Variants in RAD51B observed in about 807,000 individuals in gnomAD.
RAD51B encodes the protein RAD51 paralog B, also known as DNA repair protein RAD51 homolog 2.
In RAD51B, 38 loss-of-function variants were observed where a neutral mutation model predicts 42.2. The ratio of observed to expected loss-of-function variants is 0.90; its 90% CI spans 0.70 to 1.18. The LOEUF is 1.18. RAD51B is among the 50% of genes most tolerant of loss of function. RAD51B has a pLI of 0.00. For synonymous variants in RAD51B, 154 were observed against 145.2 expected (o/e 1.06, Z -0.43); for missense variants, 373 against 400.7 (o/e 0.93, Z 0.59).
At chr14:67,962,434 C>T (rs2074689189) in intron 7 of RAD51B, among the ~76,000 whole-genome samples, 1 of 152,112 alleles carries the variant, frequency 6.6e-6, no homozygotes. Flanking sequence ...TTTCTTCAGT[C>T]ATGTAAGCAA....
chr14:68,291,895 G>C lies in RAD51B; in HGVS notation c.768G>C (p.Thr256=). The C allele has an allele frequency of 1.2e-6, 2 of 1,612,886 alleles. No homozygotes were observed. The highest frequency in any genetic ancestry group is 1.7e-6 in the Non-Finnish European group (2 of 1,179,076). ...AEEFSIPVIL[T]NQITTHLSGA... is the part of the protein sequence containing the mutation. Reference sequence around the variant, plus strand: ...CTGTCTGTTCACAGGTTATCTTGACGAATCAGATTACAACCCATCTGAGTG... The same window carrying C: ...CTGTCTGTTCACAGGTTATCTTGACCAATCAGATTACAACCCATCTGAGTG... Residue 256 remains threonine (T), a synonymous_variant, in exon 8 of 11, where the codon ACG becomes ACC. Coordinates refer to ENST00000471583, the MANE Select transcript of RAD51B (RefSeq NM_133510.4).
chr14:67,848,914 A>T (rs1464721541), intron 4 of RAD51B, among the ~76,000 whole-genome samples: 2 of 152,012 alleles, frequency 1.3e-5, no homozygotes, highest in Non-Finnish European at 2.9e-5. Context: ...ATAGGTCCCC[A>T]CTCTCTTCTG....
chr14:67,829,888 T>C (rs1339312074), intron 3 of RAD51B, among the ~76,000 whole-genome samples: 2 of 152,136 alleles, frequency 1.3e-5, no homozygotes. Context: ...ATAAGGTACT[T>C]TGAAACTTTA....
intron 7 of RAD51B, among the ~76,000 whole-genome samples, chr14:68,026,286 G>A (rs2075955406): frequency 6.6e-6 from 1 of 152,134 alleles, no homozygotes; most frequent in South Asian, 2.1e-4. Context: ...ATCTTAGAAT[G>A]TATTCCATGT....
At chr14:68,560,487 G>A (rs1428308666) in intron 10 of RAD51B, among the ~76,000 whole-genome samples, 1 of 152,164 alleles carries the variant, frequency 6.6e-6, no homozygotes, top group Non-Finnish European at 1.5e-5. Context: ...TGTAATCCCA[G>A]CACTTTGGGA....
rs531056801 is a variant in RAD51B, at chr14:68,449,201, A to G, written c.958-18971A>G. On this transcript the variant is annotated intron_variant, in intron 9 of 10. Transcript: ENST00000471583. ...TATCAGGAAAATCTAAAGTATTTTC[A>G]TTTCTAATTATTTTTAAAAAACAAC... Among the ~76,000 whole-genome samples the G allele has an allele frequency of 2.0e-5, 3 of 152,344 alleles. No homozygotes were observed. The South Asian group carries it at 6.2e-4, about 32-fold the overall frequency.
chr14:68,410,592 G>A (rs1046272844), intron 8 of RAD51B, among the ~76,000 whole-genome samples: 6 of 152,142 alleles, frequency 3.9e-5, no homozygotes, highest in South Asian at 2.1e-4. Context: ...AGGAGGCCTC[G>A]GGCACAGGGC....
chr14:68,338,620 A>G, intron 8 of RAD51B: 1 of 296,494 alleles, frequency 3.4e-6, no homozygotes, highest in Admixed American at 4.5e-5. Flanking sequence ...GAGGCTATTT[A>G]GCTATCTCAA....
At chr14:68,589,858 T>C (rs1208379764) in intron 10 of RAD51B, among the ~76,000 whole-genome samples, 1 of 152,164 alleles carries the variant, frequency 6.6e-6, no homozygotes, top group Non-Finnish European at 1.5e-5. Flanking sequence ...TTCCCCCCCA[T>C]TTTCAGTTTT....
chr14:68,392,504 G>A (rs138385196), intron 8 of RAD51B, among the ~76,000 whole-genome samples: 2 of 152,192 alleles, frequency 1.3e-5, no homozygotes, highest in East Asian at 3.9e-4. Context: ...TCTCCCATTT[G>A]CCACTTTGAA....
chr14:68,443,425 C>A (rs1378534789), intron 9 of RAD51B, among the ~76,000 whole-genome samples: 6 of 152,108 alleles, frequency 3.9e-5, no homozygotes, highest in African/African-American at 1.2e-4. Flanking sequence ...GCAGAAGGAA[C>A]CTGGGAGTGG....
chr14:68,626,771 A>T (rs972373649), intron 10 of RAD51B, among the ~76,000 whole-genome samples: 12 of 152,332 alleles, frequency 7.9e-5, no homozygotes, highest in African/African-American at 2.9e-4. Context: ...TGCTCCTAGC[A>T]TATTCTGTTG....
At chr14:67,979,083 T>C (rs1285108590) in intron 7 of RAD51B, among the ~76,000 whole-genome samples, 1 of 152,230 alleles carries the variant, frequency 6.6e-6, no homozygotes, top group Non-Finnish European at 1.5e-5. Flanking sequence ...AGCCATTTTC[T>C]AAACATGAAG....
intron 7 of RAD51B, among the ~76,000 whole-genome samples, chr14:68,018,119 A>T (rs932765753): frequency 6.6e-5 from 10 of 152,256 alleles, no homozygotes; most frequent in Non-Finnish European, 1.5e-5. Context: ...TGTGTCCCAC[A>T]TTCGTGTCTA....
intron 7 of RAD51B, among the ~76,000 whole-genome samples, chr14:67,945,088 T>C (rs2045345233): frequency 6.6e-6 from 1 of 152,236 alleles, no homozygotes; most frequent in African/African-American, 2.4e-5. Context: ...AATGAGTAAC[T>C]AAACTGTCTT....
intron 7 of RAD51B, among the ~76,000 whole-genome samples, chr14:68,114,745 G>A (rs1340417282): frequency 6.6e-6 from 1 of 152,104 alleles, no homozygotes; most frequent in African/African-American, 2.4e-5. Flanking sequence ...ATCTGCCAGA[G>A]ATAATTAATT....
intron 7 of RAD51B, among the ~76,000 whole-genome samples, chr14:68,114,418 T>C (rs1566655407): frequency 6.6e-6 from 1 of 152,150 alleles, no homozygotes; most frequent in Non-Finnish European, 1.5e-5. Flanking sequence ...ATGGCATTTT[T>C]AGTATCTTTG....
intron 9 of RAD51B, among the ~76,000 whole-genome samples, chr14:68,464,655 G>C (rs1348233988): frequency 6.6e-6 from 1 of 152,164 alleles, no homozygotes; most frequent in East Asian, 1.9e-4. Flanking sequence ...TTAGCACCCA[G>C]CTCAACTTAT....
intron 11 of RAD51B, among the ~76,000 whole-genome samples, chr14:68,652,335 A>G (rs1425538938): frequency 6.6e-6 from 1 of 151,956 alleles, no homozygotes; most frequent in East Asian, 1.9e-4. Flanking sequence ...TTTCTCCCTG[A>G]TACTCCTACT....
Sources: gnomAD v4.1 joint callset for allele counts (sites outside exome capture counted in the v4.1 genomes callset) on GRCh38, gnomAD v4.1.1 for gene constraint, MANE v1.5 for transcripts, NCBI Gene and HGNC (gene_info 2026-07-23, HGNC 2026-07-21) for gene names.